Variants in HDGF observed in about 807,000 individuals in gnomAD.
HDGF encodes heparin binding growth factor, also known as hepatoma-derived growth factor.
Under a neutral mutation model 30.0 loss-of-function variants are expected in HDGF, and 5 were observed. That is an observed-to-expected ratio of 0.17 (90% CI 0.09 to 0.35). HDGF has a LOEUF of 0.35. Ranked by LOEUF, HDGF falls within the 10% of genes least tolerant of loss-of-function variation. HDGF has a pLI of 1.00. For synonymous variants in HDGF, 133 were observed against 112.7 expected, an observed-to-expected ratio of 1.18 and a Z score of -1.14; for missense variants, 214 against 302.8, an observed-to-expected ratio of 0.71 and a Z score of 2.18.
At position 156,743,711 on chromosome 1, in the gene HDGF, A is replaced by G. The variant is rs1403742404; in HGVS notation, c.657T>C (p.Asp219=). ...CTTCCTTGGTAGCCTCTTCCTCTTC[A>G]TCCTCCTCCTCTTCTTCCTCTTGGG... The part of the protein sequence containing the change: ...GPPQEEEEEE[D]EEEEATKEDA... The change falls in exon 5 of 6, where the codon GAT becomes GAC. Residue 219 remains aspartate, a synonymous_variant. Coordinates refer to ENST00000357325, the MANE Select transcript of HDGF (RefSeq NM_004494.3). The G allele has an allele frequency of 1.9e-6, 3 of 1,606,580 alleles. No individual in the cohort carries two copies. The highest frequency in any genetic ancestry group is 2.6e-6 in the Non-Finnish European group (3 of 1,176,420).
upstream of HDGF, chr1:156,752,025 G>A: frequency 1.3e-6 from 2 of 1,550,334 alleles, no homozygotes; most frequent in East Asian, 4.9e-5. Flanking sequence ...CCCCGACTCC[G>A]CGGAGCGCTC....
At position 156,745,375 on chromosome 1, in the gene HDGF, T is replaced by C. The variant is rs113650736; in HGVS notation, c.88-2A>G. ...GGCAGCCTCAGGCATCTCGTCAATC[T>C]GGGGTGAGATGAGGGGGTGAGGTTA... On this transcript the variant is annotated splice_acceptor_variant, in intron 1 of 5. Transcript: ENST00000357325. LOFTEE classifies it high-confidence loss of function. The C allele has an allele frequency of 6.2e-7, 1 of 1,613,176 alleles. No individual in the cohort carries two copies. Among genetic ancestry groups the C allele is most frequent in the Non-Finnish European group, 8.5e-7 (1 of 1,179,498 alleles).
chr1:156,758,604 T>TAA (rs369799205), intron 2 of HDGF, among the ~76,000 whole-genome samples: 31 of 96,450 alleles, frequency 3.2e-4, no homozygotes, highest in Admixed American at 6.7e-4. Flanking sequence ...AAAAAAAAAA[T>TAA]AAATAAATAA....
chr1:156,750,758 G>A (rs11264534), intron 1 of HDGF: 38,201 of 152,150 alleles, frequency 0.25, 5,767 homozygotes, highest in Non-Finnish European at 0.34. Flanking sequence ...CGCCCCCAAC[G>A]ATCCTTCGAC....
In HDGF at chr1:156,760,034, A is replaced by G. The variant is rs1401599579; in HGVS notation, n.137-815T>C. Among the ~76,000 whole-genome samples the G allele has an allele frequency of 2.0e-5, 3 of 152,244 alleles. No individual in the cohort carries two copies. The East Asian group carries it at 5.8e-4, about 29-fold the overall frequency. On this transcript the variant is annotated intron_variant and non_coding_transcript_variant, in intron 1 of 7. Transcript: ENST00000465180. ...AAGTGAAAAAGATAAAAGGCCATTCATAGCAGTATTGTTTGCAGGAGTTTG... is the reference window on the plus strand; with the variant it reads ...AAGTGAAAAAGATAAAAGGCCATTCGTAGCAGTATTGTTTGCAGGAGTTTG...
At chr1:156,752,294 A>G (rs576764252), upstream of HDGF, 3 of 1,551,794 alleles carry the variant, frequency 1.9e-6, no homozygotes, top group African/African-American at 4.1e-5. Context: ...CTAAGGAGGA[A>G]ACGCTTGAGT....
chr1:156,758,084 G>A (rs1651182002), intron 2 of HDGF, among the ~76,000 whole-genome samples: 1 of 151,172 alleles, frequency 6.6e-6, no homozygotes, highest in Admixed American at 6.6e-5. Flanking sequence ...GATCATCTGA[G>A]GTCAGGAGTT....
At chr1:156,752,833 C>A (rs1162177402), upstream of HDGF, among the ~76,000 whole-genome samples, 6 of 152,126 alleles carry the variant, frequency 3.9e-5, no homozygotes, top group South Asian at 2.1e-4. Context: ...AATTTAGCAA[C>A]AAAATATGCT....
intron 1 of HDGF, among the ~76,000 whole-genome samples, chr1:156,765,472 CTT>C (rs71080793): frequency 1.9e-4 from 16 of 86,012 alleles, no homozygotes; most frequent in African/African-American, 2.3e-4. Flanking sequence ...TTCTTTCTTT[CTT>C]TTTTTTTTTT....
At position 156,745,156 on chromosome 1, in the gene HDGF, G is replaced by A; in HGVS notation, c.165-10C>T. On this transcript the variant is annotated splice_polypyrimidine_tract_variant and intron_variant, in intron 2 of 5. Transcript: ENST00000357325. ...GGGGCCCAGGAATGCCCTGGTGAGA[G>A]ATGGGAGACTGTGCTCTCAAGCCCC... is the stretch of plus-strand genomic sequence containing the variant. 9.3e-6 allele frequency: 15 copies of A among 1,614,018 alleles called. No individual in the cohort carries two copies. Among genetic ancestry groups the A allele is most frequent in the Non-Finnish European group, 1.3e-5 (15 of 1,179,992 alleles).
At chr1:156,760,353 G>GT (rs780070398) in intron 1 of HDGF, among the ~76,000 whole-genome samples, 13 of 152,168 alleles carry the variant, frequency 8.5e-5, no homozygotes, top group Non-Finnish European at 1.9e-4. Flanking sequence ...GTGAGGGGGG[G>GT]CCAAGTCCTC....
At chr1:156,762,808 G>A (rs996368545) in intron 1 of HDGF, among the ~76,000 whole-genome samples, 3 of 151,854 alleles carry the variant, frequency 2.0e-5, no homozygotes, top group Non-Finnish European at 2.9e-5. Context: ...GGAGGCGGAG[G>A]TTGTGGTGAG....
chr1:156,744,566 G>C, intron 3 of HDGF: 1 of 1,529,594 alleles, frequency 6.5e-7, no homozygotes. Context: ...CAGGAGGGGG[G>C]AGGGCTGGAG....
intron 1 of HDGF, among the ~76,000 whole-genome samples, chr1:156,749,879 G>C (rs1650845864): frequency 6.6e-6 from 1 of 152,212 alleles, no homozygotes. Context: ...TTCAGTTCTT[G>C]TCCTACCCAC....
intron 4 of HDGF, 93 bp downstream of exon 4, chr1:156,744,070 A>G: frequency 8.0e-6 from 11 of 1,367,452 alleles, no homozygotes; most frequent in Non-Finnish European, 1.1e-5. Context: ...TCGACCTCTC[A>G]GACTGGGCAC....
intron 1 of HDGF, among the ~76,000 whole-genome samples, chr1:156,764,149 C>T (rs1320883860): frequency 6.6e-6 from 1 of 152,132 alleles, no homozygotes; most frequent in Non-Finnish European, 1.5e-5. Flanking sequence ...AACTCTTAGA[C>T]TCAAGGGCTT....
chr1:156,745,198 G>A (rs1650441503), intron 2 of HDGF, 52 bp from the exon 3 acceptor site: 11 of 1,612,190 alleles, frequency 6.8e-6, no homozygotes, highest in Non-Finnish European at 9.3e-6. Flanking sequence ...CCCCTGAGCT[G>A]CACAGCCCGG....
At chr1:156,746,601 G>A (rs1650564737) in intron 1 of HDGF, among the ~76,000 whole-genome samples, 1 of 152,224 alleles carries the variant, frequency 6.6e-6, no homozygotes, top group Non-Finnish European at 1.5e-5. Flanking sequence ...TGTGGTGAAG[G>A]TGAGAGGTGC....
intron 4 of HDGF, 32 bp from the exon 5 acceptor site, chr1:156,743,910 G>T: frequency 6.5e-7 from 1 of 1,536,722 alleles, no homozygotes; most frequent in Non-Finnish European, 9.0e-7. Flanking sequence ...AGTGGGCTGA[G>T]GCTGGAGAGG....
Sources: allele counts gnomAD v4.1 joint callset (sites outside exome capture counted in the v4.1 genomes callset), GRCh38; gene constraint gnomAD v4.1.1; transcripts MANE v1.5; gene names NCBI Gene and HGNC (gene_info 2026-07-23, HGNC 2026-07-21).